RPGRIP1L: variants seen among roughly 807,000 people sequenced by gnomAD.
RPGRIP1L encodes protein fantom.
Under a neutral mutation model 160.4 loss-of-function variants are expected in RPGRIP1L, and 131 were observed. That is an observed-to-expected ratio of 0.82 (90% CI 0.71 to 0.94). The LOEUF is 0.94. Ranked by LOEUF, RPGRIP1L falls within the 40% of genes least tolerant of loss-of-function variation. RPGRIP1L has a pLI of 0.00. For synonymous variants in RPGRIP1L, 510 were observed against 515.8 expected, an observed-to-expected ratio of 0.99 and a Z score of 0.15; for missense variants, 1,522 against 1,535.8, an observed-to-expected ratio of 0.99 and a Z score of 0.15.
intron 24 of RPGRIP1L, among the ~76,000 whole-genome samples, chr16:53,615,472 A>ATTTTTTTTTTTTTT (rs1166401715): frequency 1.3e-5 from 1 of 75,080 alleles, no homozygotes; most frequent in African/African-American, 5.3e-5. Flanking sequence ...ATATATATAT[A>ATTTTTTTTTTTTTT]TTTTTTTTTT....
chr16:53,641,990 T>C (rs1421381640), intron 17 of RPGRIP1L, among the ~76,000 whole-genome samples: 1 of 152,062 alleles, frequency 6.6e-6, no homozygotes, highest in South Asian at 2.1e-4. Flanking sequence ...TTAAATATAT[T>C]TTGTTGGGAT....
rs570139738 is a variant in RPGRIP1L at position 53,677,064 on chromosome 16, T to C, written c.777-1942A>G. Among the ~76,000 whole-genome samples the C allele has an allele frequency of 9.8e-5, 15 of 152,300 alleles. No individual in the cohort carries two copies. In the Middle Eastern group the frequency reaches 0.014, roughly 138 times the overall value. On this transcript the variant is annotated intron_variant, in intron 6 of 26. Transcript: ENST00000647211. ...AGAAATAACAGTTTTTAATTTTAAA[T>C]TTTTTTGTAAGGCAGAAACCAGTAA...
intron 1 of RPGRIP1L, among the ~76,000 whole-genome samples, chr16:53,702,041 C>CA (rs1971444758): frequency 6.6e-6 from 1 of 151,974 alleles, no homozygotes; most frequent in African/African-American, 2.4e-5. Flanking sequence ...ATTAGTTTTC[C>CA]ATGACAGAGT....
chr16:53,674,185 CA>C (rs1968966202), intron 7 of RPGRIP1L, among the ~76,000 whole-genome samples: 1 of 152,072 alleles, frequency 6.6e-6, no homozygotes, highest in Non-Finnish European at 1.5e-5. Flanking sequence ...ACAAAATCCC[CA>C]GAGCATGGCT....
intron 17 of RPGRIP1L, 146 bp downstream of exon 17, chr16:53,645,479 A>T: frequency 1.6e-6 from 1 of 618,926 alleles, no homozygotes; most frequent in South Asian, 3.1e-5. Context: ...TAAGAAAATA[A>T]TTTTTAAAAT....
In RPGRIP1L at chr16:53,600,863, A is replaced by G; in HGVS notation, c.*1213T>C. On this transcript the variant is annotated 3_prime_UTR_variant, in exon 27 of 27. Transcript: ENST00000647211. ...GTGATCACTGAAGCAGAGATTTAAT[A>G]TATCACGGCAAATTAGGTAGATTTT... 6.6e-6 allele frequency: 1 copy of G among 152,646 alleles called. No individual in the cohort carries two copies. The highest frequency in any genetic ancestry group is 2.4e-5 in the African/African-American group (1 of 41,460). 9.5% of individuals were successfully genotyped at this position (152,646 alleles called of 1,614,324 possible).
chr16:53,605,052 A>G (rs1202081679), intron 26 of RPGRIP1L, among the ~76,000 whole-genome samples: 1 of 151,984 alleles, frequency 6.6e-6, no homozygotes, highest in Non-Finnish European at 1.5e-5. Flanking sequence ...ATGGTGATGC[A>G]CGCCTGTAGT....
At chr16:53,689,418 C>T (rs1436155689) in intron 4 of RPGRIP1L, among the ~76,000 whole-genome samples, 1 of 152,156 alleles carries the variant, frequency 6.6e-6, no homozygotes, top group Non-Finnish European at 1.5e-5. Flanking sequence ...ATACTCTTCC[C>T]AGCCTCTAGT....
chr16:53,678,881 A>G (rs556930904), intron 6 of RPGRIP1L, among the ~76,000 whole-genome samples: 2 of 152,332 alleles, frequency 1.3e-5, no homozygotes, highest in East Asian at 3.9e-4. Flanking sequence ...GTTGAAGGAA[A>G]TGTAGGTCAT....
chr16:53,642,190 T>A (rs1196839619), intron 17 of RPGRIP1L, among the ~76,000 whole-genome samples: 3 of 151,986 alleles, frequency 2.0e-5, no homozygotes, highest in African/African-American at 4.8e-5. Flanking sequence ...CTTTTTATTT[T>A]TTTTTTTAAA....
At chr16:53,646,043 G>A in intron 16 of RPGRIP1L, 40 bp from the exon 17 acceptor site, 1 of 1,594,854 alleles carries the variant, frequency 6.3e-7, no homozygotes. Flanking sequence ...AAATAACACA[G>A]TTAAAAGATG....
intron 17 of RPGRIP1L, among the ~76,000 whole-genome samples, chr16:53,644,956 A>G (rs1966449539): frequency 6.6e-6 from 1 of 152,192 alleles, no homozygotes; most frequent in African/African-American, 2.4e-5. Context: ...TATACATTTT[A>G]TCTTTTCTCC....
intron 6 of RPGRIP1L, among the ~76,000 whole-genome samples, chr16:53,682,376 T>A (rs1302158968): frequency 6.6e-6 from 1 of 152,208 alleles, no homozygotes; most frequent in African/African-American, 2.4e-5. Context: ...CTCTTCTATG[T>A]ATACATGTTG....
At chr16:53,702,088 G>A (rs553367499) in intron 1 of RPGRIP1L, among the ~76,000 whole-genome samples, 1 of 152,264 alleles carries the variant, frequency 6.6e-6, no homozygotes, top group African/African-American at 2.4e-5. Context: ...TGATGATGAT[G>A]ATGATGGTGT....
Position 53,640,121 on chromosome 16 carries a change from T to G in RPGRIP1L, c.2958+912A>C, listed in dbSNP as rs1327656161. Among the ~76,000 whole-genome samples, 3 of 151,976 alleles carry G rather than the reference T, an allele frequency of 2.0e-5. No individual in the cohort carries two copies. In the South Asian group the frequency reaches 6.2e-4, roughly 32 times the overall value. The stretch of plus-strand genomic sequence containing the variant: ...TGACACCTTTTGTGGATGACCTGGG[T>G]GTAGGGGTGAGAAAAAAGAGGAGTC... On this transcript the variant is annotated intron_variant, in intron 19 of 26. Transcript: ENST00000647211.
rs111359102 is a variant in RPGRIP1L at position 53,643,869 on chromosome 16, C to CA, written c.2683+1755dup. 2.3e-4 allele frequency among the ~76,000 whole-genome samples: 35 copies of CA among 152,062 alleles called. 2 individuals are homozygous for CA. The highest frequency in any genetic ancestry group is 5.2e-4 in the Admixed American group (8 of 15,292). ...ATAGGAAAATGTACTGCATACACAGCAAAAAAACCCATCAATAGACAGTTT... is the reference window on the plus strand; with the variant it reads ...ATAGGAAAATGTACTGCATACACAGCAAAAAAAACCCATCAATAGACAGTTT... On this transcript the variant is annotated intron_variant, in intron 17 of 26. Transcript: ENST00000647211.
intron 12 of RPGRIP1L, 141 bp downstream of exon 12, chr16:53,658,272 CA>C: frequency 1.4e-6 from 1 of 727,556 alleles, no homozygotes; most frequent in Middle Eastern, 2.6e-4. Flanking sequence ...ATGTTACATA[CA>C]TATTTGTAAA....
chr16:53,607,313 T>TAG (rs1963752366), intron 25 of RPGRIP1L, among the ~76,000 whole-genome samples: 1 of 152,212 alleles, frequency 6.6e-6, no homozygotes, highest in African/African-American at 2.4e-5. Flanking sequence ...TTAATATAGA[T>TAG]AGAGTTGCTT....
chr16:53,664,732 A>G lies in RPGRIP1L; in HGVS notation c.1243+138T>C, dbSNP rs1968087790. 1.4e-5 allele frequency: 14 copies of G among 969,358 alleles called. 1 individual carries two copies. In the South Asian group the frequency reaches 1.7e-4, roughly 12 times the overall value. 60.0% of individuals were successfully genotyped at this position (969,358 alleles called of 1,614,324 possible). ...ATTTTGAGCAACCACTGAATTCATG[A>G]GAGTGGATGACTGTGTCTGTCCCTC... is the stretch of plus-strand genomic sequence containing the variant. On this transcript the variant is annotated intron_variant, in intron 10 of 26. Transcript: ENST00000647211.
Sources: gnomAD v4.1 joint callset for allele counts (sites outside exome capture counted in the v4.1 genomes callset) on GRCh38, gnomAD v4.1.1 for gene constraint, MANE v1.5 for transcripts, NCBI Gene and HGNC (gene_info 2026-07-23, HGNC 2026-07-21) for gene names.